SMIM10L3: variants seen among roughly 807,000 people sequenced by gnomAD.
SMIM10L3 encodes the protein small integral membrane protein 10 like 3, also known as salivary gland specific protein SAGSIN1.
the SMIM10L3 span, chr7:6,348,459 G>A: frequency 7.4e-6 from 3 of 402,726 alleles, no homozygotes; most frequent in Non-Finnish European, 1.3e-5. Flanking sequence ...AAAATGCACG[G>A]TGCTTGACAT....
the SMIM10L3 span, chr7:6,330,527 GTT>G: frequency 6.2e-7 from 1 of 1,614,154 alleles, no homozygotes; most frequent in Non-Finnish European, 8.5e-7. Flanking sequence ...AGGAAAATGC[GTT>G]TTGTCTCCTC....
At chr7:6,338,205 G>A in the SMIM10L3 span, among the ~76,000 whole-genome samples, 41,125 of 151,934 alleles carry the variant, frequency 0.27, 5,708 homozygotes, top group East Asian at 0.32. Context: ...TATTCTGAGG[G>A]CCACAAATAA....
At chr7:6,340,595 T>C in the SMIM10L3 span, among the ~76,000 whole-genome samples, 1 of 151,808 alleles carries the variant, frequency 6.6e-6, no homozygotes, top group African/African-American at 2.4e-5. Flanking sequence ...GGAGGGCAGG[T>C]TGACAATGAC....
the SMIM10L3 span, among the ~76,000 whole-genome samples, chr7:6,346,204 G>C: frequency 1.3e-5 from 2 of 152,166 alleles, no homozygotes; most frequent in African/African-American, 4.8e-5. Context: ...AGGCCTTCTC[G>C]TTTACCAGTC....
the SMIM10L3 span, among the ~76,000 whole-genome samples, chr7:6,339,761 GT>G: frequency 6.6e-6 from 1 of 151,754 alleles, no homozygotes; most frequent in Non-Finnish European, 1.5e-5. Flanking sequence ...AAGAGCCACT[GT>G]GCCCAGCCGT....
the SMIM10L3 span, chr7:6,348,879 G>T: frequency 2.6e-6 from 1 of 388,094 alleles, no homozygotes; most frequent in Admixed American, 4.6e-5. Context: ...CCGGCGGGCG[G>T]GCGGGCCGCA....
chr7:6,333,188 A>C, the SMIM10L3 span, among the ~76,000 whole-genome samples: 1 of 151,782 alleles, frequency 6.6e-6, no homozygotes, highest in Admixed American at 6.6e-5. Flanking sequence ...AAAACAAAAA[A>C]CAAAAAAACA....
At chr7:6,347,773 A>T in the SMIM10L3 span, among the ~76,000 whole-genome samples, 1 of 151,836 alleles carries the variant, frequency 6.6e-6, no homozygotes, top group Admixed American at 6.6e-5. Flanking sequence ...ACGTCTATGC[A>T]GGCCAGATGT....
the SMIM10L3 span, among the ~76,000 whole-genome samples, chr7:6,346,670 C>A: frequency 2.6e-5 from 4 of 152,142 alleles, no homozygotes; most frequent in African/African-American, 9.7e-5. Context: ...CAGGAGTGAG[C>A]TACTGTGCCC....
At chr7:6,343,805 G>A in the SMIM10L3 span, among the ~76,000 whole-genome samples, 1 of 151,918 alleles carries the variant, frequency 6.6e-6, no homozygotes, top group African/African-American at 2.4e-5. Context: ...AGGGAGGAGG[G>A]GCTCCCTAAA....
the SMIM10L3 span, among the ~76,000 whole-genome samples, chr7:6,339,645 G>A: frequency 0.26 from 39,627 of 151,208 alleles, 5,252 homozygotes; most frequent in East Asian, 0.3. Context: ...CACCACGCCT[G>A]GGTAATGTTT....
chr7:6,339,736 G>A, the SMIM10L3 span, among the ~76,000 whole-genome samples: 2 of 152,076 alleles, frequency 1.3e-5, no homozygotes, highest in East Asian at 3.9e-4. Flanking sequence ...CTCCCAAAGT[G>A]CTGGGATTAC....
At chr7:6,338,838 T>C in the SMIM10L3 span, 1 of 152,316 alleles carries the variant, frequency 6.6e-6, no homozygotes, top group Non-Finnish European at 1.5e-5. Flanking sequence ...GAAAGAGGTC[T>C]GGCAAGGCTA....
the SMIM10L3 span, among the ~76,000 whole-genome samples, chr7:6,344,224 GA>G: frequency 2.6e-5 from 4 of 151,402 alleles, no homozygotes; most frequent in Admixed American, 6.6e-5. Flanking sequence ...CCCTTTACCA[GA>G]AAGCCACAAA....
At chr7:6,335,101 C>G in the SMIM10L3 span, among the ~76,000 whole-genome samples, 2 of 151,058 alleles carry the variant, frequency 1.3e-5, no homozygotes, top group Non-Finnish European at 3.0e-5. Flanking sequence ...CTCACTCTGT[C>G]ACCCAGGCTG....
At chr7:6,342,125 C>G in the SMIM10L3 span, among the ~76,000 whole-genome samples, 2 of 152,168 alleles carry the variant, frequency 1.3e-5, no homozygotes, top group East Asian at 3.8e-4. Context: ...GTTCTAGGTG[C>G]TGGTATTAGG....
chr7:6,340,866 T>G, the SMIM10L3 span, among the ~76,000 whole-genome samples: 1 of 121,664 alleles, frequency 8.2e-6, no homozygotes, highest in Middle Eastern at 5.9e-3. Flanking sequence ...GCCACTGCAC[T>G]CCAGCCTGGG....
chr7:6,346,082 T>C, the SMIM10L3 span, among the ~76,000 whole-genome samples: 30 of 152,066 alleles, frequency 2.0e-4, no homozygotes, highest in Admixed American at 5.3e-4. Flanking sequence ...GTTTGTTTTT[T>C]AAAAATCCGG....
chr7:6,347,883 T>TTTATTATTATTATTA, the SMIM10L3 span, among the ~76,000 whole-genome samples: 2,113 of 131,502 alleles, frequency 0.016, 25 homozygotes, highest in African/African-American at 0.022. Flanking sequence ...ACGAGACCCC[T>TTTATTATTATTATTA]TTATTATTAT....
Sources: gnomAD v4.1 joint callset for allele counts (sites outside exome capture counted in the v4.1 genomes callset) on GRCh38, gnomAD v4.1.1 for gene constraint, MANE v1.5 for transcripts, NCBI Gene and HGNC (gene_info 2026-07-23, HGNC 2026-07-21) for gene names.